Variants in MPPED2 observed in about 807,000 individuals in gnomAD.
The protein encoded by MPPED2 is metallophosphoesterase MPPED2.
A neutral mutation model predicts 33.0 loss-of-function variants in MPPED2; 5 were observed. That is an observed-to-expected ratio of 0.15 (90% CI 0.08 to 0.32). MPPED2 has a LOEUF of 0.32. MPPED2 is among the 10% of genes least tolerant of loss of function. The pLI is 1.00. For missense variants in MPPED2, 275 were observed against 372.1 expected (o/e 0.74, Z 2.15); for synonymous variants, 136 against 141.9 (o/e 0.96, Z 0.29).
chr11:30,489,602 T>G (rs767047631), intron 4 of MPPED2, among the ~76,000 whole-genome samples: 29 of 152,256 alleles, frequency 1.9e-4, no homozygotes, highest in Non-Finnish European at 4.1e-4. Flanking sequence ...GATCTAATTT[T>G]CCTGCTGGAG....
intron 4 of MPPED2, chr11:30,429,266 T>G (rs888421596): frequency 5.3e-5 from 8 of 152,220 alleles, no homozygotes; most frequent in African/African-American, 1.9e-4. Context: ...CACCTTCTGA[T>G]AAGTGTCTTC....
At chr11:30,439,704 C>T (rs1949480149) in intron 4 of MPPED2, among the ~76,000 whole-genome samples, 1 of 152,128 alleles carries the variant, frequency 6.6e-6, no homozygotes, top group South Asian at 2.1e-4. Flanking sequence ...CTCCTATAGC[C>T]CAAGTAAACG....
At chr11:30,479,056 G>A (rs1409097331) in intron 4 of MPPED2, among the ~76,000 whole-genome samples, 1 of 152,056 alleles carries the variant, frequency 6.6e-6, no homozygotes, top group Non-Finnish European at 1.5e-5. Context: ...AAGGGCCGTG[G>A]GACATTTTCC....
intron 4 of MPPED2, among the ~76,000 whole-genome samples, chr11:30,475,765 A>G (rs1951165878): frequency 1.3e-5 from 2 of 152,150 alleles, no homozygotes; most frequent in Admixed American, 1.3e-4. Flanking sequence ...TCTTGAGTAC[A>G]TATCTAGGAG....
Position 30,546,620 on chromosome 11 carries a change from G to A in MPPED2, c.129-10445C>T, listed in dbSNP as rs114712263. On this transcript the variant is annotated intron_variant, in intron 2 of 6. Transcript: ENST00000358117. ...ATGGCTAATGGGCCTTCTTTAAAGT[G>A]TGTGGCCATTTTAGTTGGCTTTTAA... Among the ~76,000 whole-genome samples the A allele has an allele frequency of 8.3e-3, 1,270 of 152,238 alleles. 17 individuals are homozygous for A. The highest frequency in any genetic ancestry group is 0.029 in the African/African-American group (1,200 of 41,548).
chr11:30,476,613 C>T (rs1355601477), intron 4 of MPPED2, among the ~76,000 whole-genome samples: 1 of 151,980 alleles, frequency 6.6e-6, no homozygotes, highest in Admixed American at 6.6e-5. Flanking sequence ...TATGTGTCCA[C>T]CTTTCATATT....
rs1947792924 is a variant in MPPED2 at position 30,392,509 on chromosome 11, TAAGCAGGTAAAG to T, written c.767-3565_767-3554del. Among the ~76,000 whole-genome samples the T allele has an allele frequency of 3.3e-5, 5 of 152,382 alleles. No individual in the cohort carries two copies. The South Asian group carries it at 1.0e-3, about 32-fold the overall frequency. On this transcript the variant is annotated intron_variant, in intron 6 of 6. Coordinates refer to the MPPED2 transcript ENST00000448418. Reference sequence around the variant, plus strand: ...AAAATACAACTTAACCTGGGAGATTTAAGCAGGTAAAGAAGATGGCTTCTCTCCGGAATTGCT... The same window carrying T: ...AAAATACAACTTAACCTGGGAGATTTAAGATGGCTTCTCTCCGGAATTGCT...
At chr11:30,474,136 C>T (rs1323031689) in intron 4 of MPPED2, among the ~76,000 whole-genome samples, 1 of 152,198 alleles carries the variant, frequency 6.6e-6, no homozygotes, top group Non-Finnish European at 1.5e-5. Context: ...TACAGCCACA[C>T]TGTCAGATTG....
In MPPED2 at chr11:30,551,578, A is replaced by G. The variant is rs1229595753; in HGVS notation, c.129-15403T>C. On this transcript the variant is annotated intron_variant, in intron 2 of 6. Transcript: ENST00000358117. ...ACTGTCAAAAAGAAAACACACTACAAACTGAAAAGTGCTGTCTTTTGTCAG... is the reference window on the plus strand; with the variant it reads ...ACTGTCAAAAAGAAAACACACTACAGACTGAAAAGTGCTGTCTTTTGTCAG... Among the ~76,000 whole-genome samples, 3 of 152,348 alleles carry G rather than the reference A, an allele frequency of 2.0e-5. No homozygotes were observed. The East Asian group carries it at 5.8e-4, about 29-fold the overall frequency.
chr11:30,498,260 TG>T (rs1333733130), intron 3 of MPPED2, among the ~76,000 whole-genome samples: 1 of 150,790 alleles, frequency 6.6e-6, no homozygotes, highest in Admixed American at 6.6e-5. Context: ...TACTCTAACA[TG>T]GAAAAAAAAT....
chr11:30,585,747 G>A (rs1177798509), intron 1 of MPPED2, among the ~76,000 whole-genome samples: 1 of 152,118 alleles, frequency 6.6e-6, no homozygotes, highest in African/African-American at 2.4e-5. Context: ...AGGATGGGGA[G>A]TCGGAGGGAA....
intron 3 of MPPED2, chr11:30,504,739 T>C: frequency 7.8e-7 from 1 of 1,281,666 alleles, no homozygotes; most frequent in South Asian, 1.2e-5. Context: ...TACTCACACT[T>C]GCTGATGGAG....
At chr11:30,540,557 T>C (rs757642424) in intron 2 of MPPED2, among the ~76,000 whole-genome samples, 1 of 152,194 alleles carries the variant, frequency 6.6e-6, no homozygotes, top group Non-Finnish European at 1.5e-5. Flanking sequence ...GTATTTTTAC[T>C]ACTATTAGTA....
chr11:30,520,447 A>T lies in MPPED2; in HGVS notation c.310+15547T>A, dbSNP rs142212343. Among the ~76,000 whole-genome samples the T allele has an allele frequency of 8.1e-3, 1,234 of 152,326 alleles. 16 individuals are homozygous for T. Among genetic ancestry groups the T allele is most frequent in the African/African-American group, 0.028 (1,166 of 41,572 alleles). On this transcript the variant is annotated intron_variant, in intron 3 of 6. Coordinates refer to ENST00000358117, the MANE Select transcript of MPPED2 (RefSeq NM_001584.3). ...CTACATAAATGCTAAAATAAGGCAA[A>T]CAAAAAGAATGTTCATTTGGGGGAC... is the stretch of plus-strand genomic sequence containing the variant.
chr11:30,446,670 T>C (rs1030321393), intron 4 of MPPED2, among the ~76,000 whole-genome samples: 2 of 152,174 alleles, frequency 1.3e-5, no homozygotes, highest in South Asian at 2.1e-4. Flanking sequence ...TATTTCAATC[T>C]GGTTAATGGC....
chr11:30,450,338 TAAAGCAA>T (rs1950003978), intron 4 of MPPED2, among the ~76,000 whole-genome samples: 1 of 152,222 alleles, frequency 6.6e-6, no homozygotes, highest in Non-Finnish European at 1.5e-5. Context: ...AGACAACAAC[TAAAGCAA>T]AATGAGTAAA....
At chr11:30,529,208 G>A (rs1262867213) in intron 3 of MPPED2, among the ~76,000 whole-genome samples, 1 of 152,068 alleles carries the variant, frequency 6.6e-6, no homozygotes, top group East Asian at 1.9e-4. Flanking sequence ...CCCTAAATGG[G>A]TGAAGATTTC....
intron 3 of MPPED2, among the ~76,000 whole-genome samples, chr11:30,527,412 T>G (rs2134421090): frequency 6.7e-6 from 1 of 150,030 alleles, no homozygotes; most frequent in Admixed American, 6.7e-5. Flanking sequence ...ACCTGGTGAA[T>G]AAAGCCTGGT....
chr11:30,422,646 G>A (rs1948661555), intron 4 of MPPED2, among the ~76,000 whole-genome samples: 2 of 152,120 alleles, frequency 1.3e-5, no homozygotes, highest in Admixed American at 6.5e-5. Flanking sequence ...ATGGGGGTGA[G>A]GGGGGAAAGG....
Sources: allele counts gnomAD v4.1 joint callset (sites outside exome capture counted in the v4.1 genomes callset), GRCh38; gene constraint gnomAD v4.1.1; transcripts MANE v1.5; gene names NCBI Gene and HGNC (gene_info 2026-07-23, HGNC 2026-07-21).